The following MAPK8IP3 variants were observed in gnomAD, a reference collection of about 807,000 sequenced individuals.
The protein encoded by MAPK8IP3 is mitogen-activated protein kinase 8 interacting protein 3, also known as C-Jun-amino-terminal kinase-interacting protein 3.
A neutral mutation model predicts 157.8 loss-of-function variants in MAPK8IP3; 49 were observed. That is an observed-to-expected ratio of 0.31 (90% CI 0.25 to 0.39). The LOEUF (loss-of-function observed/expected upper bound fraction) is 0.39. Among genes scored for constraint, MAPK8IP3 ranks in the 10% least tolerant of loss-of-function variants. The pLI is 1.00. For missense variants in MAPK8IP3, 1,478 were observed against 1,889.4 expected, an observed-to-expected ratio of 0.78 and a Z score of 4.04; for synonymous variants, 897 against 777.7, an observed-to-expected ratio of 1.15 and a Z score of -2.55.
In MAPK8IP3 at chr16:1,755,585, A is replaced by G. The variant is rs555685661; in HGVS notation, c.1217-2563A>G. 2.5e-3 allele frequency among the ~76,000 whole-genome samples: 380 copies of G among 152,328 alleles called. 1 individual carries two copies. The highest frequency in any genetic ancestry group is 4.1e-3 in the Admixed American group (63 of 15,298). ...GAAAAGGGGCCGGGTGCGGTGGCTCATGCCTGTAATCCCAGCACATTGGGA... is the reference window on the plus strand; with the variant it reads ...GAAAAGGGGCCGGGTGCGGTGGCTCGTGCCTGTAATCCCAGCACATTGGGA... On this transcript the variant is annotated intron_variant, in intron 8 of 31. Coordinates refer to ENST00000610761, the MANE Select transcript of MAPK8IP3 (RefSeq NM_001318852.2).
At chr16:1,754,146 C>A (rs1374282354) in intron 8 of MAPK8IP3, among the ~76,000 whole-genome samples, 4 of 150,984 alleles carry the variant, frequency 2.6e-5, no homozygotes, top group Non-Finnish European at 5.9e-5. Flanking sequence ...GCACTGCAGC[C>A]TGGGCAGTAA....
At chr16:1,722,007 C>G (rs34215281) in intron 1 of MAPK8IP3, among the ~76,000 whole-genome samples, 20,496 of 151,978 alleles carry the variant, frequency 0.13, 2,200 homozygotes, top group African/African-American at 0.3. Context: ...CTGACCTCGT[C>G]ATCCCCCCCG....
intron 2 of MAPK8IP3, among the ~76,000 whole-genome samples, chr16:1,726,311 C>G (rs1480167755): frequency 6.6e-6 from 1 of 152,192 alleles, no homozygotes; most frequent in African/African-American, 2.4e-5. Context: ...CCTGGTCCCT[C>G]GGCTTTCAGT....
chr16:1,756,139 T>G (rs2041586386), intron 8 of MAPK8IP3, among the ~76,000 whole-genome samples: 1 of 151,972 alleles, frequency 6.6e-6, no homozygotes, highest in African/African-American at 2.4e-5. Context: ...GTCACAGGGC[T>G]GAAAAGTACC....
Position 1,765,880 on chromosome 16 carries a change from C to G in MAPK8IP3, c.2447-80C>G, listed in dbSNP as rs2042227151. Reference sequence around the variant, plus strand: ...AGTGGAAGGCCAGCCCCGGCTTCCTCTGCCCCTGTGTAAGTGCTGGGCACG... The same window carrying G: ...AGTGGAAGGCCAGCCCCGGCTTCCTGTGCCCCTGTGTAAGTGCTGGGCACG... On this transcript the variant is annotated intron_variant, in intron 20 of 31. Transcript: ENST00000610761. The G allele has an allele frequency of 5.9e-6, 8 of 1,346,148 alleles. No homozygotes were observed. In the South Asian group the frequency reaches 1.1e-4, roughly 19 times the overall value. 83.4% of individuals were successfully genotyped at this position (1,346,148 alleles called of 1,614,324 possible). A position where few individuals can be genotyped will look rare whatever the true frequency, so the allele number is the denominator to read the frequency against.
At chr16:1,746,973 C>G in intron 5 of MAPK8IP3, 56 bp from the exon 6 acceptor site, 1 of 1,580,258 alleles carries the variant, frequency 6.3e-7, no homozygotes. Context: ...ACGGCGGAGC[C>G]GCAGGCCAGG....
Position 1,768,472 on chromosome 16 carries a change from C to A in MAPK8IP3, c.3743-5C>A. ...CGCTGTCCTGAATCGCTTCTGCCAT[C>A]CCAGGGAACGTGCTGGCCACCCTGA... On this transcript the variant is annotated splice_polypyrimidine_tract_variant and splice_region_variant and intron_variant, in intron 30 of 31. Transcript: ENST00000610761. 6.4e-7 allele frequency: 1 copy of A among 1,571,944 alleles called. No homozygotes were observed.
At position 1,763,807 on chromosome 16, in the gene MAPK8IP3, C is replaced by T. The variant is rs564079196; in HGVS notation, c.2025+24C>T. ...AGGTGCGGGCGGGCGCTGCGGGGAC[C>T]GGGCGGGGCCCCGCAGAGGCGGGGC... On this transcript the variant is annotated intron_variant, in intron 17 of 31. Coordinates refer to ENST00000610761, the MANE Select transcript of MAPK8IP3 (RefSeq NM_001318852.2). 71 of 941,942 alleles carry T rather than the reference C, an allele frequency of 7.5e-5. No homozygotes were observed. The South Asian group carries it at 1.6e-3, about 21-fold the overall frequency. The allele number at this position is 941,942 out of a possible 1,614,324, so 58.3% of individuals were successfully genotyped here.
intron 4 of MAPK8IP3, among the ~76,000 whole-genome samples, chr16:1,731,756 G>A (rs747645832): frequency 3.9e-5 from 6 of 152,208 alleles, no homozygotes; most frequent in Non-Finnish European, 8.8e-5. Context: ...GGAATGCATG[G>A]CTTTGAGGAT....
chr16:1,762,403 G>A lies in MAPK8IP3; in HGVS notation c.1592G>A (p.Arg531His), dbSNP rs373615838. ...CGCTTCACGCGGGTGGAGATGGCCC[G>A]TGTGCTCATGGAGCGGAACCAGTAC... is the stretch of plus-strand genomic sequence containing the variant. Reference protein sequence around the residue: ...RRRFTRVEMARVLMERNQYKE... With the variant: ...RRRFTRVEMAHVLMERNQYKE... Residue 531 changes from arginine to histidine, a missense_variant, in exon 14 of 32, where the codon CGT becomes CAT. By Grantham distance (29) the Arg-to-His change is conservative. Coordinates refer to ENST00000610761, the MANE Select transcript of MAPK8IP3 (RefSeq NM_001318852.2). The A allele has an allele frequency of 6.2e-7, 1 of 1,600,692 alleles. No individual in the cohort carries two copies. The highest frequency in any genetic ancestry group is 8.5e-7 in the Non-Finnish European group (1 of 1,173,848).
At chr16:1,748,559 C>T (rs1596710472) in intron 7 of MAPK8IP3, 43 bp from the exon 8 acceptor site, 1 of 1,508,566 alleles carries the variant, frequency 6.6e-7, no homozygotes, top group African/African-American at 1.4e-5. Context: ...CTCCGGGCTG[C>T]CCACTGACTC....
Position 1,766,868 on chromosome 16 carries a change from C to T in MAPK8IP3, c.3021-36C>T, listed in dbSNP as rs750720467. 5.6e-6 allele frequency: 9 copies of T among 1,610,596 alleles called. No individual in the cohort carries two copies. The South Asian group carries it at 9.9e-5, about 18-fold the overall frequency. ...ACGGGGCGGAGGGGGCTGGCACAGC[C>T]TGGCCCAAACCAGGCTCACCGCATT... On this transcript the variant is annotated intron_variant, in intron 24 of 31. Coordinates refer to ENST00000610761, the MANE Select transcript of MAPK8IP3 (RefSeq NM_001318852.2).
In MAPK8IP3 at chr16:1,769,478, G is replaced by A. The variant is rs890289850; in HGVS notation, c.*654G>A. 6.5e-6 allele frequency: 1 copy of A among 153,792 alleles called. No homozygotes were observed. Among genetic ancestry groups the A allele is most frequent in the Non-Finnish European group, 1.4e-5 (1 of 69,080 alleles). 9.5% of individuals were successfully genotyped at this position (153,792 alleles called of 1,614,324 possible). The stretch of plus-strand genomic sequence containing the variant: ...CCGGCTCCCTGGGGCAGCTGCTTGA[G>A]AACAGAGACTGCTACCCCATCCTGC... On this transcript the variant is annotated 3_prime_UTR_variant, in exon 32 of 32. Coordinates refer to ENST00000610761, the MANE Select transcript of MAPK8IP3 (RefSeq NM_001318852.2).
In MAPK8IP3 at chr16:1,729,202, C is replaced by T. The variant is rs746441635; in HGVS notation, c.504C>T (p.His168=). ...AGTACAATGCCCTGCACCAGCGGCA[C>T]ACAGAGGTGGGCGCCCAGAGGCAAG... is the stretch of plus-strand genomic sequence containing the variant. The part of the protein sequence containing the change: ...KKEYNALHQR[H]TEMIQTYVEH... Residue 168 remains histidine, a synonymous_variant, in exon 3 of 32, where the codon CAC becomes CAT. Transcript: ENST00000610761. 14 of 1,613,784 alleles carry T rather than the reference C, an allele frequency of 8.7e-6. No homozygotes were observed. In the South Asian group the frequency reaches 1.1e-4, roughly 13 times the overall value.
chr16:1,758,201 G>T (rs766235742), intron 9 of MAPK8IP3, 42 bp downstream of exon 9: 1 of 1,609,158 alleles, frequency 6.2e-7, no homozygotes, highest in South Asian at 1.1e-5. Flanking sequence ...TCTGTGTGAC[G>T]GGGGGAGTGG....
At chr16:1,708,620 G>A (rs528904340) in intron 1 of MAPK8IP3, among the ~76,000 whole-genome samples, 1 of 152,186 alleles carries the variant, frequency 6.6e-6, no homozygotes, top group African/African-American at 2.4e-5. Flanking sequence ...CTCCCCCAGG[G>A]CTCCTGCTGA....
At chr16:1,768,680 T>G (rs780751383) in intron 31 of MAPK8IP3, 23 bp from the exon 32 acceptor site, 1 of 1,611,366 alleles carries the variant, frequency 6.2e-7, no homozygotes, top group East Asian at 2.2e-5. Flanking sequence ...AGCCTGGCCG[T>G]CACTCTGCTG....
intron 4 of MAPK8IP3, among the ~76,000 whole-genome samples, chr16:1,736,803 AGC>A (rs1596637389): frequency 1.7e-4 from 6 of 35,774 alleles, no homozygotes; most frequent in East Asian, 1.2e-3. Flanking sequence ...CGTCCGTGTG[AGC>A]GTGTGACCGT....
chr16:1,732,710 GC>G (rs1448637522), intron 4 of MAPK8IP3, among the ~76,000 whole-genome samples: 6 of 152,024 alleles, frequency 3.9e-5, no homozygotes, highest in African/African-American at 1.2e-4. Context: ...CCAGCCATCC[GC>G]CCACCTGGAG....
Sources: allele counts gnomAD v4.1 joint callset (sites outside exome capture counted in the v4.1 genomes callset), GRCh38; gene constraint gnomAD v4.1.1; transcripts MANE v1.5; gene names NCBI Gene and HGNC (gene_info 2026-07-23, HGNC 2026-07-21).